The following PSD3 variants were observed in gnomAD, a reference collection of about 807,000 sequenced individuals.
The protein encoded by PSD3 is pleckstrin and Sec7 domain containing 3, also known as PH and SEC7 domain-containing protein 3.
In PSD3, 49 loss-of-function variants were observed where a neutral mutation model predicts 105.5. The observed-to-expected ratio is 0.46, with a 90% CI of 0.37 to 0.59. The LOEUF (loss-of-function observed/expected upper bound fraction) is 0.59, where lower values mean the gene tolerates loss of function less well. PSD3 is among the 20% of genes least tolerant of loss of function. The pLI, the probability that PSD3 is intolerant of heterozygous loss-of-function variation, is 0.00. For synonymous variants in PSD3, 557 were observed against 457.8 expected, an observed-to-expected ratio of 1.22 and a Z score of -2.77; for missense variants, 1,561 against 1,263.8, an observed-to-expected ratio of 1.24 and a Z score of -3.57.
chr8:18,979,120 G>C (rs1376491031), intron 1 of PSD3, among the ~76,000 whole-genome samples: 1 of 152,018 alleles, frequency 6.6e-6, no homozygotes, highest in Non-Finnish European at 1.5e-5. Context: ...AAAATTCTGT[G>C]ATTTCACAAT....
chr8:18,671,549 A>T (rs934120272), intron 9 of PSD3, among the ~76,000 whole-genome samples: 1 of 152,206 alleles, frequency 6.6e-6, no homozygotes, highest in Non-Finnish European at 1.5e-5. Flanking sequence ...GGTATTCCAC[A>T]GCAGATTTAA....
intron 1 of PSD3, among the ~76,000 whole-genome samples, chr8:18,940,980 T>C (rs754013910): frequency 2.6e-5 from 4 of 152,214 alleles, no homozygotes; most frequent in Non-Finnish European, 4.4e-5. Flanking sequence ...TTCTTGAAGC[T>C]GTGAGCCCCT....
At chr8:18,970,195 G>T (rs959981598) in intron 1 of PSD3, among the ~76,000 whole-genome samples, 7 of 150,768 alleles carry the variant, frequency 4.6e-5, no homozygotes, top group African/African-American at 1.7e-4. Context: ...CGTGGTGGCG[G>T]GCACCTGTAG....
intron 1 of PSD3, among the ~76,000 whole-genome samples, chr8:19,069,295 G>C (rs564013624): frequency 1.7e-4 from 26 of 152,252 alleles, no homozygotes; most frequent in Middle Eastern, 3.4e-3. Flanking sequence ...GCCTACAAAA[G>C]CTGAGTAAGG....
chr8:18,635,812 C>A (rs990197334), intron 10 of PSD3, among the ~76,000 whole-genome samples: 3 of 150,540 alleles, frequency 2.0e-5, no homozygotes, highest in African/African-American at 7.3e-5. Context: ...CATGTTCTCA[C>A]TCATAAGTGA....
At chr8:18,905,276 C>G (rs1433126480) in intron 2 of PSD3, among the ~76,000 whole-genome samples, 1 of 152,182 alleles carries the variant, frequency 6.6e-6, no homozygotes, top group Non-Finnish European at 1.5e-5. Context: ...AACCTGAGCT[C>G]TCAATGAAGC....
intron 8 of PSD3, among the ~76,000 whole-genome samples, chr8:18,787,445 A>G (rs1184262886): frequency 2.0e-5 from 3 of 152,178 alleles, no homozygotes; most frequent in African/African-American, 7.2e-5. Flanking sequence ...ATCAGTAGGC[A>G]TTTTAATCAA....
chr8:18,593,933 T>C (rs1485893690), intron 12 of PSD3, among the ~76,000 whole-genome samples: 4 of 112,618 alleles, frequency 3.6e-5, no homozygotes, highest in African/African-American at 7.3e-5. Flanking sequence ...ATGAGAACAC[T>C]TGGACACAGG....
intron 4 of PSD3, among the ~76,000 whole-genome samples, chr8:18,863,324 A>G (rs1389284296): frequency 6.6e-6 from 1 of 152,180 alleles, no homozygotes; most frequent in African/African-American, 2.4e-5. Context: ...AACCCATTGA[A>G]ACGTGTATAA....
intron 12 of PSD3, among the ~76,000 whole-genome samples, chr8:18,599,985 T>C (rs930678078): frequency 2.0e-5 from 3 of 152,172 alleles, no homozygotes; most frequent in Non-Finnish European, 4.4e-5. Context: ...CACTGTTCTC[T>C]GGGGCTAGTA....
intron 1 of PSD3, among the ~76,000 whole-genome samples, chr8:19,045,083 G>A (rs1001411968): frequency 5.9e-5 from 9 of 152,156 alleles, no homozygotes; most frequent in Non-Finnish European, 8.8e-5. Context: ...TACTTGGGAG[G>A]CTAAGGCAGG....
intron 1 of PSD3, among the ~76,000 whole-genome samples, chr8:19,071,861 C>T (rs1258839684): frequency 6.6e-6 from 1 of 152,082 alleles, no homozygotes; most frequent in South Asian, 2.1e-4. Flanking sequence ...AGGCACCTGC[C>T]ACCACACCCG....
intron 1 of PSD3, among the ~76,000 whole-genome samples, chr8:18,997,121 C>A (rs1826122731): frequency 6.6e-6 from 1 of 151,804 alleles, no homozygotes; most frequent in South Asian, 2.1e-4. Context: ...ACATTCGCTC[C>A]CTGTGGATTT....
chr8:18,688,970 T>C (rs1800815569), intron 9 of PSD3, among the ~76,000 whole-genome samples: 1 of 152,216 alleles, frequency 6.6e-6, no homozygotes, highest in African/African-American at 2.4e-5. Context: ...GCAGGAGACA[T>C]TTAATGAAGC....
intron 1 of PSD3, among the ~76,000 whole-genome samples, chr8:19,077,561 G>A (rs1265644197): frequency 6.6e-6 from 1 of 151,982 alleles, no homozygotes. Context: ...CACCTTTTTC[G>A]TTTGCCTAGA....
intron 1 of PSD3, among the ~76,000 whole-genome samples, chr8:19,047,594 C>T (rs768958945): frequency 2.0e-5 from 3 of 152,206 alleles, no homozygotes; most frequent in East Asian, 3.9e-4. Flanking sequence ...ACAATCTTTG[C>T]TTCCTTTACA....
chr8:19,068,767 A>G (rs1343386400), intron 1 of PSD3, among the ~76,000 whole-genome samples: 1 of 152,128 alleles, frequency 6.6e-6, no homozygotes, highest in Non-Finnish European at 1.5e-5. Context: ...TAATTAAAAA[A>G]AAAAAAAAGA....
intron 14 of PSD3, among the ~76,000 whole-genome samples, chr8:18,564,022 C>T (rs756979548): frequency 6.6e-6 from 1 of 152,032 alleles, no homozygotes; most frequent in East Asian, 1.9e-4. Context: ...AACACCCCTG[C>T]ATGTCTAACA....
intron 2 of PSD3, among the ~76,000 whole-genome samples, chr8:18,877,957 G>A (rs889746686): frequency 6.6e-6 from 1 of 152,050 alleles, no homozygotes; most frequent in Admixed American, 6.6e-5. Context: ...GGTTGTTTTG[G>A]TCACTCTTGG....
Sources: allele counts gnomAD v4.1 joint callset (sites outside exome capture counted in the v4.1 genomes callset), GRCh38; gene constraint gnomAD v4.1.1; transcripts MANE v1.5; gene names NCBI Gene and HGNC (gene_info 2026-07-23, HGNC 2026-07-21).